PFKFB3: variants seen among roughly 807,000 people sequenced by gnomAD.
PFKFB3 encodes the protein 6-phosphofructo-2-kinase/fructose-2,6-bisphosphatase 3.
In PFKFB3, 33 loss-of-function variants were observed where a neutral mutation model predicts 68.0. That is an observed-to-expected ratio of 0.49 (90% CI 0.37 to 0.65). The LOEUF (loss-of-function observed/expected upper bound fraction) is 0.65. Ranked by LOEUF, PFKFB3 falls within the 30% of genes least tolerant of loss-of-function variation. PFKFB3 has a pLI of 0.00. For synonymous variants in PFKFB3, 315 were observed against 288.2 expected (o/e 1.09, Z -0.94); for missense variants, 586 against 712.2 (o/e 0.82, Z 2.02).
At chr10:6,267,743 T>G in the PFKFB3 span, among the ~76,000 whole-genome samples, 1 of 151,756 alleles carries the variant, frequency 6.6e-6, no homozygotes, top group Non-Finnish European at 1.5e-5. Flanking sequence ...TCACCTGAAG[T>G]CAGGAGTTCG....
intron 1 of PFKFB3, among the ~76,000 whole-genome samples, chr10:6,179,620 C>CT (rs1842648265): frequency 6.6e-6 from 1 of 152,122 alleles, no homozygotes; most frequent in Non-Finnish European, 1.5e-5. Flanking sequence ...CCCAGGAGGA[C>CT]TGCAGGCAAG....
rs1845924195 is a variant in PFKFB3 at position 6,234,610 on chromosome 10, CT to C, written c.*1669del. 6.6e-6 allele frequency: 1 copy of C among 152,308 alleles called. No individual in the cohort carries two copies. Among genetic ancestry groups the C allele is most frequent in the Admixed American group, 6.5e-5 (1 of 15,278 alleles). 9.4% of individuals were successfully genotyped at this position (152,308 alleles called of 1,614,324 possible). On this transcript the variant is annotated 3_prime_UTR_variant, in exon 15 of 15. Coordinates refer to ENST00000379775, the MANE Select transcript of PFKFB3 (RefSeq NM_004566.4). ...TCCAGGCTCGCGCAGTTTTCTCTCT[CT>C]CCCTGGATGTTGAGTCTCATCAGAA...
At chr10:6,183,407 A>G (rs1328159489) in intron 1 of PFKFB3, among the ~76,000 whole-genome samples, 2 of 152,006 alleles carry the variant, frequency 1.3e-5, no homozygotes, top group Non-Finnish European at 2.9e-5. Context: ...CATTTCCTCA[A>G]CAAGGAATAG....
chr10:6,176,804 C>T (rs76760161), intron 1 of PFKFB3, among the ~76,000 whole-genome samples: 1,646 of 152,302 alleles, frequency 0.011, 68 homozygotes, highest in East Asian at 0.1. Flanking sequence ...TCTCCGGTTC[C>T]ACTTTCTGGA....
intron 1 of PFKFB3, among the ~76,000 whole-genome samples, chr10:6,192,903 T>A (rs982664607): frequency 5.9e-5 from 9 of 152,130 alleles, no homozygotes; most frequent in Non-Finnish European, 1.2e-4. Context: ...TCCAGTTTGG[T>A]CTTCGTAAGG....
At chr10:6,187,812 C>T (rs631049) in intron 1 of PFKFB3, among the ~76,000 whole-genome samples, 113,529 of 152,028 alleles carry the variant, frequency 0.75, 44,609 homozygotes, top group Non-Finnish European at 0.86. Context: ...TTTAACATTT[C>T]TGAGTTTTAG....
chr10:6,264,019 C>T, the PFKFB3 span, among the ~76,000 whole-genome samples: 1 of 152,148 alleles, frequency 6.6e-6, no homozygotes, highest in Non-Finnish European at 1.5e-5. Context: ...TGTGGTTTTG[C>T]CTTTTAGCTG....
At chr10:6,181,609 C>G (rs572202764) in intron 1 of PFKFB3, among the ~76,000 whole-genome samples, 3 of 152,030 alleles carry the variant, frequency 2.0e-5, no homozygotes, top group African/African-American at 7.2e-5. Flanking sequence ...TGGTTCAGTC[C>G]AGGAGTTCAA....
intron 1 of PFKFB3, among the ~76,000 whole-genome samples, chr10:6,194,436 C>G (rs994552403): frequency 6.6e-6 from 1 of 152,200 alleles, no homozygotes. Context: ...GGCTCCTTAG[C>G]CTGAAGGATG....
rs372891157 is a variant in PFKFB3, at chr10:6,223,527, T to C, written c.1214-431T>C. Among the ~76,000 whole-genome samples the C allele has an allele frequency of 2.2e-4, 34 of 152,318 alleles. 3 individuals are homozygous for C. In the South Asian group the frequency reaches 6.2e-3, roughly 28 times the overall value. ...GGGGCCAGCTGCTGCCCGGGACAGCTTGTGGCTGGGGACAGATGCCCCTGC... is the reference window on the plus strand; with the variant it reads ...GGGGCCAGCTGCTGCCCGGGACAGCCTGTGGCTGGGGACAGATGCCCCTGC... On this transcript the variant is annotated intron_variant, in intron 11 of 14. Coordinates refer to ENST00000379775, the MANE Select transcript of PFKFB3 (RefSeq NM_004566.4).
chr10:6,152,835 C>T (rs961821204), intron 1 of PFKFB3, among the ~76,000 whole-genome samples: 2 of 152,014 alleles, frequency 1.3e-5, no homozygotes, highest in African/African-American at 2.4e-5. Flanking sequence ...GAGCCTTGAT[C>T]GTACCGCTGC....
chr10:6,267,527 G>A, the PFKFB3 span, among the ~76,000 whole-genome samples: 6 of 152,236 alleles, frequency 3.9e-5, no homozygotes, highest in Admixed American at 2.0e-4. Flanking sequence ...CAGAAAGTGC[G>A]GTGTCTCGGG....
At chr10:6,160,718 C>CAAAAAAAA (rs538580465) in intron 1 of PFKFB3, among the ~76,000 whole-genome samples, 12 of 78,648 alleles carry the variant, frequency 1.5e-4, no homozygotes, top group East Asian at 3.6e-4. Flanking sequence ...GACTCTGTCT[C>CAAAAAAAA]AAAAAAAAAA....
At chr10:6,148,686 C>G (rs1841478176) in intron 1 of PFKFB3, among the ~76,000 whole-genome samples, 1 of 152,180 alleles carries the variant, frequency 6.6e-6, no homozygotes, top group South Asian at 2.1e-4. Context: ...TTCAGCTGGA[C>G]ACGGAGAGGA....
At chr10:6,321,061 A>C in the PFKFB3 span, among the ~76,000 whole-genome samples, 18 of 152,342 alleles carry the variant, frequency 1.2e-4, no homozygotes, top group African/African-American at 4.3e-4. Context: ...GGAATAGAAC[A>C]GAAGTCATTC....
At chr10:6,149,173 G>A (rs1392917023) in intron 1 of PFKFB3, among the ~76,000 whole-genome samples, 1 of 152,196 alleles carries the variant, frequency 6.6e-6, no homozygotes, top group Non-Finnish European at 1.5e-5. Flanking sequence ...TGAATAAATC[G>A]TTGAGGTCCT....
the PFKFB3 span, among the ~76,000 whole-genome samples, chr10:6,265,082 A>ATTTT: frequency 3.0e-5 from 4 of 134,502 alleles, no homozygotes; most frequent in Non-Finnish European, 4.6e-5. Context: ...TTTTTCTTTC[A>ATTTT]TTTTTTTTTT....
intron 1 of PFKFB3, among the ~76,000 whole-genome samples, chr10:6,204,047 C>G (rs537385486): frequency 6.6e-6 from 1 of 152,318 alleles, no homozygotes; most frequent in Admixed American, 6.5e-5. Context: ...ACGGTTGGCG[C>G]TGCTCCACGC....
intron 1 of PFKFB3, among the ~76,000 whole-genome samples, chr10:6,174,445 C>G (rs913487554): frequency 1.3e-5 from 2 of 152,224 alleles, no homozygotes; most frequent in African/African-American, 2.4e-5. Flanking sequence ...AGATGGGACG[C>G]GGGCATCAGC....
Sources: allele counts gnomAD v4.1 joint callset (sites outside exome capture counted in the v4.1 genomes callset), GRCh38; gene constraint gnomAD v4.1.1; transcripts MANE v1.5; gene names NCBI Gene and HGNC (gene_info 2026-07-23, HGNC 2026-07-21).